The following WWOX variants were observed in gnomAD, a reference collection of about 807,000 sequenced individuals.
WWOX encodes WW domain-containing oxidoreductase.
A neutral mutation model predicts 46.2 loss-of-function variants in WWOX; 69 were observed. That is an observed-to-expected ratio of 1.49 (90% confidence interval 1.23 to 1.82). WWOX has a LOEUF of 1.82. Ranked by LOEUF, WWOX falls within the 40% of genes most tolerant of loss-of-function variation. The pLI is 0.00. For missense variants in WWOX, 919 were observed against 542.6 expected (o/e 1.69, Z -6.89); for synonymous variants, 359 against 202.6 (o/e 1.77, Z -6.56).
intron 8 of WWOX, among the ~76,000 whole-genome samples, chr16:79,059,107 G>A (rs1472149803): frequency 1.3e-5 from 2 of 152,290 alleles, no homozygotes; most frequent in East Asian, 3.9e-4. Context: ...AAATTAATGT[G>A]AAATTGTGTT....
chr16:78,527,620 C>T (rs1198289367), intron 8 of WWOX, among the ~76,000 whole-genome samples: 1 of 152,168 alleles, frequency 6.6e-6, no homozygotes, highest in East Asian at 1.9e-4. Flanking sequence ...ATGAGTTTAA[C>T]TACATTTAAC....
At chr16:79,057,361 A>G (rs2048282084) in intron 8 of WWOX, among the ~76,000 whole-genome samples, 1 of 152,204 alleles carries the variant, frequency 6.6e-6, no homozygotes, top group South Asian at 2.1e-4. Flanking sequence ...ATTATCGAAG[A>G]GAAAAGAAGA....
At chr16:78,701,596 T>G (rs962597523) in intron 8 of WWOX, among the ~76,000 whole-genome samples, 1 of 151,866 alleles carries the variant, frequency 6.6e-6, no homozygotes, top group African/African-American at 2.4e-5. Flanking sequence ...TATCTCCCTC[T>G]CCCTCCACCC....
chr16:78,174,258 G>A (rs1433187434), intron 5 of WWOX, among the ~76,000 whole-genome samples: 1 of 152,134 alleles, frequency 6.6e-6, no homozygotes, highest in African/African-American at 2.4e-5. Context: ...CTTCTTATAT[G>A]GTGTCAGCAA....
intron 6 of WWOX, among the ~76,000 whole-genome samples, chr16:78,413,350 G>A (rs1333284917): frequency 6.6e-6 from 1 of 152,192 alleles, no homozygotes; most frequent in Non-Finnish European, 1.5e-5. Flanking sequence ...CTGGGTGCAG[G>A]TGGGCTGAGT....
At chr16:79,151,393 T>A (rs538211562) in intron 8 of WWOX, among the ~76,000 whole-genome samples, 1 of 152,318 alleles carries the variant, frequency 6.6e-6, no homozygotes, top group South Asian at 2.1e-4. Flanking sequence ...TTCCTAGACA[T>A]GAAGAGTATG....
At chr16:78,622,456 C>T (rs892437529) in intron 8 of WWOX, among the ~76,000 whole-genome samples, 17 of 151,824 alleles carry the variant, frequency 1.1e-4, no homozygotes, top group Middle Eastern at 3.2e-3. Flanking sequence ...ACTTAAGAAT[C>T]GCTTGAACCC....
intron 8 of WWOX, among the ~76,000 whole-genome samples, chr16:78,850,006 A>C (rs574539980): frequency 4.6e-5 from 7 of 152,080 alleles, no homozygotes; most frequent in Admixed American, 2.0e-4. Context: ...TGGGAGATGG[A>C]GGTTGTGGTG....
At chr16:78,909,384 G>T (rs1282706174) in intron 8 of WWOX, among the ~76,000 whole-genome samples, 1 of 152,170 alleles carries the variant, frequency 6.6e-6, no homozygotes, top group Non-Finnish European at 1.5e-5. Flanking sequence ...CAGCTGTTAA[G>T]ATTGTTATTA....
At chr16:78,675,363 C>A (rs1015581691) in intron 8 of WWOX, among the ~76,000 whole-genome samples, 5 of 152,142 alleles carry the variant, frequency 3.3e-5, no homozygotes, top group African/African-American at 1.2e-4. Flanking sequence ...TATCGTTCAT[C>A]TACATAAATA....
intron 8 of WWOX, among the ~76,000 whole-genome samples, chr16:79,038,177 T>A (rs758606182): frequency 9.2e-5 from 14 of 151,882 alleles, no homozygotes; most frequent in Admixed American, 1.3e-4. Flanking sequence ...CCTGCACACT[T>A]TTTTTTTGTC....
intron 8 of WWOX, among the ~76,000 whole-genome samples, chr16:78,904,160 G>C (rs1200690998): frequency 6.7e-6 from 1 of 149,804 alleles, no homozygotes; most frequent in Non-Finnish European, 1.5e-5. Context: ...CCAACTGTTA[G>C]AGTTTTTCTT....
chr16:78,842,628 T>A (rs1044704951), intron 8 of WWOX, among the ~76,000 whole-genome samples: 1 of 151,812 alleles, frequency 6.6e-6, no homozygotes, highest in Non-Finnish European at 1.5e-5. Flanking sequence ...CTTTGGGAGG[T>A]CAAGGCGGAT....
chr16:78,309,822 T>A (rs991070147), intron 5 of WWOX, among the ~76,000 whole-genome samples: 2 of 152,212 alleles, frequency 1.3e-5, no homozygotes, highest in Non-Finnish European at 2.9e-5. Context: ...GAAGTCTAAC[T>A]CTAATCCTGG....
chr16:78,815,693 G>C (rs757660402), intron 8 of WWOX, among the ~76,000 whole-genome samples: 1 of 152,244 alleles, frequency 6.6e-6, no homozygotes. Flanking sequence ...TTCCCTTCCT[G>C]TTCTTTTAAG....
chr16:78,592,200 G>T (rs1051623402), intron 8 of WWOX, among the ~76,000 whole-genome samples: 6 of 152,220 alleles, frequency 3.9e-5, no homozygotes, highest in Non-Finnish European at 8.8e-5. Flanking sequence ...TTGCAAAGCG[G>T]ATGTGTTTTT....
chr16:79,050,183 A>G (rs2048140096), intron 8 of WWOX, among the ~76,000 whole-genome samples: 1 of 152,202 alleles, frequency 6.6e-6, no homozygotes. Flanking sequence ...CAGCAGAACT[A>G]GGCTGGGCTT....
At chr16:78,221,011 C>T (rs1363703229) in intron 5 of WWOX, among the ~76,000 whole-genome samples, 4 of 152,036 alleles carry the variant, frequency 2.6e-5, no homozygotes, top group African/African-American at 7.2e-5. Flanking sequence ...ATTTCATTTT[C>T]TCTTATCCAA....
chr16:79,077,525 C>G (rs1197126300), intron 8 of WWOX: 2 of 152,104 alleles, frequency 1.3e-5, no homozygotes, highest in African/African-American at 2.4e-5. Context: ...TGTAAACATG[C>G]AGCTGTGGGG....
Sources: allele counts gnomAD v4.1 joint callset (sites outside exome capture counted in the v4.1 genomes callset), GRCh38; gene constraint gnomAD v4.1.1; transcripts MANE v1.5; gene names NCBI Gene and HGNC (gene_info 2026-07-23, HGNC 2026-07-21).